BCL2L13: variants seen among roughly 807,000 people sequenced by gnomAD.
BCL2L13 encodes the protein bcl-2-like protein 13.
A neutral mutation model predicts 25.8 loss-of-function variants in BCL2L13; 13 were observed. The observed-to-expected ratio is 0.50, with a 90% CI of 0.33 to 0.80. The LOEUF is 0.80. Ranked by LOEUF, BCL2L13 falls within the 30% of genes least tolerant of loss-of-function variation. BCL2L13 has a pLI of 0.02. For synonymous variants in BCL2L13, 244 were observed against 230.3 expected (o/e 1.06, Z -0.54); for missense variants, 504 against 574.9 (o/e 0.88, Z 1.26).
chr22:17,689,222 G>C, intron 4 of BCL2L13, 80 bp downstream of exon 4: 1 of 1,240,494 alleles, frequency 8.1e-7, no homozygotes, highest in South Asian at 1.9e-5. Flanking sequence ...GGTTAGGGCT[G>C]TGTTTTAGGT....
At chr22:17,707,618 C>G (rs2060628151) in intron 6 of BCL2L13, among the ~76,000 whole-genome samples, 1 of 152,102 alleles carries the variant, frequency 6.6e-6, no homozygotes. Flanking sequence ...TAAGTTGTAA[C>G]TAACGTATTA....
In BCL2L13 at chr22:17,727,021, G is replaced by A. The variant is rs776393541; in HGVS notation, c.945G>A (p.Val315=). The A allele has an allele frequency of 6.8e-6, 11 of 1,614,074 alleles. No homozygotes were observed. The highest frequency in any genetic ancestry group is 9.3e-6 in the Non-Finnish European group (11 of 1,180,060). Residue 315 remains valine (V), a synonymous_variant, in exon 7 of 7, where the codon GTG becomes GTA. Coordinates refer to ENST00000317582, the MANE Select transcript of BCL2L13 (RefSeq NM_015367.4). ...SDIVHVEKEE[V]PEGMEEAAVA... Reference sequence around the variant, plus strand: ...TTGTGCACGTGGAGAAAGAAGAGGTGCCCGAGGGCATGGAAGAGGCTGCTG... The same window carrying A: ...TTGTGCACGTGGAGAAAGAAGAGGTACCCGAGGGCATGGAAGAGGCTGCTG...
intron 2 of BCL2L13, among the ~76,000 whole-genome samples, chr22:17,656,335 C>CTT (rs890631679): frequency 0.025 from 1,437 of 57,854 alleles, 241 homozygotes; most frequent in East Asian, 0.09. Flanking sequence ...TCATTTTATT[C>CTT]TTTTTTTTTT....
intron 6 of BCL2L13, among the ~76,000 whole-genome samples, chr22:17,720,182 C>T (rs1430841703): frequency 6.6e-6 from 1 of 151,104 alleles, no homozygotes; most frequent in Non-Finnish European, 1.5e-5. Context: ...TTCTTTCTTT[C>T]GTTAGAGACA....
chr22:17,724,804 TG>T (rs2061249177), intron 6 of BCL2L13, among the ~76,000 whole-genome samples: 1 of 152,270 alleles, frequency 6.6e-6, no homozygotes, highest in Admixed American at 6.5e-5. Flanking sequence ...TGACAATTTC[TG>T]TACATCTCTG....
rs2061360585 is a variant in BCL2L13 at position 17,729,023 on chromosome 22, G to A, written c.*1489G>A. 6.6e-6 allele frequency: 1 copy of A among 152,114 alleles called. No homozygotes were observed. Among genetic ancestry groups the A allele is most frequent in the South Asian group, 2.1e-4 (1 of 4,828 alleles). The allele number at this position is 152,114 out of a possible 1,614,324, so 9.4% of individuals were successfully genotyped here. Reference sequence around the variant, plus strand: ...CGAGGGCCACGACGTCACTATGCAGGGCACACGTGGCTTGGTTTAAAAAGG... The same window carrying A: ...CGAGGGCCACGACGTCACTATGCAGAGCACACGTGGCTTGGTTTAAAAAGG... On this transcript the variant is annotated 3_prime_UTR_variant, in exon 7 of 7. Transcript: ENST00000317582.
intron 2 of BCL2L13, among the ~76,000 whole-genome samples, chr22:17,662,687 T>C (rs2059112627): frequency 6.6e-6 from 1 of 151,766 alleles, no homozygotes; most frequent in Non-Finnish European, 1.5e-5. Context: ...GGTATGGTAG[T>C]GCGCACCCAT....
At chr22:17,658,542 A>C in intron 2 of BCL2L13, among the ~76,000 whole-genome samples, 1 of 151,790 alleles carries the variant, frequency 6.6e-6, no homozygotes, top group Non-Finnish European at 1.5e-5. Context: ...AAAAATACAA[A>C]AATTAGCCGG....
rs371530376 is a variant in BCL2L13, at chr22:17,684,953, CGTT to C, written c.229+1634_229+1636del. On this transcript the variant is annotated intron_variant, in intron 3 of 6. Coordinates refer to ENST00000317582, the MANE Select transcript of BCL2L13 (RefSeq NM_015367.4). ...TTCAGCGTGTTAGCCAGGATGGTCT[CGTT>C]GATCTCCTGACCTTGTTTTCTGCCC... is the stretch of plus-strand genomic sequence containing the variant. 6.2e-4 allele frequency among the ~76,000 whole-genome samples: 94 copies of C among 152,152 alleles called. 1 individual carries two copies. Among genetic ancestry groups the C allele is most frequent in the Non-Finnish European group, 8.8e-4 (60 of 68,000 alleles).
chr22:17,628,952 T>G, exon 1 of BCL2L13: 1 of 450,900 alleles, frequency 2.2e-6, no homozygotes, highest in East Asian at 4.1e-5. Flanking sequence ...GAAGAAAAGA[T>G]AAGGAGTTCC....
intron 2 of BCL2L13, among the ~76,000 whole-genome samples, chr22:17,681,207 A>C (rs576008804): frequency 6.6e-6 from 1 of 152,108 alleles, no homozygotes; most frequent in Non-Finnish European, 1.5e-5. Flanking sequence ...GGGACGGGGA[A>C]AGAAGGAGAA....
chr22:17,686,769 A>G (rs1296797594), intron 3 of BCL2L13, among the ~76,000 whole-genome samples: 2 of 152,116 alleles, frequency 1.3e-5, no homozygotes, highest in South Asian at 2.1e-4. Flanking sequence ...TCGGCCTCCC[A>G]AAGTGCTGGG....
chr22:17,692,316 A>G (rs919744041), intron 4 of BCL2L13: 2 of 152,260 alleles, frequency 1.3e-5, no homozygotes, highest in South Asian at 2.1e-4. Context: ...TTGTGCATGT[A>G]TGTCTGTGTA....
chr22:17,722,295 C>G (rs1679529121), intron 6 of BCL2L13, among the ~76,000 whole-genome samples: 1 of 151,746 alleles, frequency 6.6e-6, no homozygotes, highest in South Asian at 2.1e-4. Context: ...GTGGCACGAT[C>G]ATAGCTCAGT....
At chr22:17,638,754 C>G (rs2058156929), upstream of BCL2L13, 1 of 1,231,718 alleles carries the variant, frequency 8.1e-7, no homozygotes, top group East Asian at 3.2e-5. Flanking sequence ...CCGGGGTGAC[C>G]TCACCCTCCA....
At chr22:17,696,847 G>T (rs149281552) in intron 5 of BCL2L13, among the ~76,000 whole-genome samples, 1 of 152,190 alleles carries the variant, frequency 6.6e-6, no homozygotes, top group East Asian at 1.9e-4. Context: ...TATTATCTTA[G>T]ACTGTATTAT....
At chr22:17,662,012 T>C (rs1282264598) in intron 2 of BCL2L13, among the ~76,000 whole-genome samples, 1 of 151,678 alleles carries the variant, frequency 6.6e-6, no homozygotes, top group Non-Finnish European at 1.5e-5. Flanking sequence ...AAAAATTGCA[T>C]AATTATTTTA....
intron 3 of BCL2L13, chr22:17,684,796 G>A (rs2059864087): frequency 1.2e-5 from 4 of 343,486 alleles, no homozygotes; most frequent in South Asian, 8.6e-5. Context: ...GCGGTGGCGG[G>A]ATCTTGGCTC....
At chr22:17,648,179 A>G (rs1019259208) in intron 1 of BCL2L13, among the ~76,000 whole-genome samples, 6 of 152,044 alleles carry the variant, frequency 3.9e-5, no homozygotes, top group African/African-American at 1.4e-4. Flanking sequence ...GACACTGCAG[A>G]ATGTTGCAAA....
Sources: gnomAD v4.1 joint callset for allele counts (sites outside exome capture counted in the v4.1 genomes callset) on GRCh38, gnomAD v4.1.1 for gene constraint, MANE v1.5 for transcripts, NCBI Gene and HGNC (gene_info 2026-07-23, HGNC 2026-07-21) for gene names.